MCUR1: variants seen among roughly 807,000 people sequenced by gnomAD.
The protein encoded by MCUR1 is mitochondrial calcium uniporter regulator 1, also known as MCU regulator 1.
Under a neutral mutation model 42.0 loss-of-function variants are expected in MCUR1, and 37 were observed. The observed-to-expected ratio is 0.88, with a 90% CI of 0.68 to 1.16. The LOEUF is 1.16. MCUR1 is among the 50% of genes most tolerant of loss of function. MCUR1 has a pLI of 0.00. For synonymous variants in MCUR1, 229 were observed against 196.2 expected, an observed-to-expected ratio of 1.17 and a Z score of -1.40; for missense variants, 469 against 468.4, an observed-to-expected ratio of 1.00 and a Z score of -0.01.
At chr6:13,791,080 G>A (rs1281605941) in intron 8 of MCUR1, among the ~76,000 whole-genome samples, 1 of 151,926 alleles carries the variant, frequency 6.6e-6, no homozygotes, top group African/African-American at 2.4e-5. Flanking sequence ...TGGTACCCAG[G>A]AGGAGTGCAC....
At chr6:13,810,399 T>C (rs1239848094) in intron 1 of MCUR1, among the ~76,000 whole-genome samples, 1 of 151,968 alleles carries the variant, frequency 6.6e-6, no homozygotes, top group Admixed American at 6.5e-5. Flanking sequence ...TATATGAAAA[T>C]CTTGCTACAT....
intron 4 of MCUR1, 119 bp downstream of exon 4, chr6:13,801,169 T>C: frequency 1.4e-6 from 1 of 715,878 alleles, no homozygotes. Flanking sequence ...TGACTGGAAG[T>C]GCACACTGTT....
intron 6 of MCUR1, among the ~76,000 whole-genome samples, chr6:13,794,589 T>A (rs1479482738): frequency 6.6e-6 from 1 of 151,158 alleles, no homozygotes. Context: ...GTGTTGTGAT[T>A]ATAAAATACA....
chr6:13,806,717 G>A (rs537514424), intron 2 of MCUR1, among the ~76,000 whole-genome samples: 1 of 151,978 alleles, frequency 6.6e-6, no homozygotes, highest in African/African-American at 2.4e-5. Context: ...CTTGAGCCTG[G>A]GAGGCAGGTT....
chr6:13,795,153 G>GAAACAA (rs745325598), intron 6 of MCUR1, among the ~76,000 whole-genome samples: 1 of 151,258 alleles, frequency 6.6e-6, no homozygotes, highest in Non-Finnish European at 1.5e-5. Context: ...AAGAGAAAGA[G>GAAACAA]AAACAAAAAC....
At position 13,796,291 on chromosome 6, in the gene MCUR1, C is replaced by CTTTTT. The variant is rs369077522; in HGVS notation, c.856-2349_856-2345dup. Among the ~76,000 whole-genome samples, 253 of 139,250 alleles carry CTTTTT rather than the reference C, an allele frequency of 1.8e-3. 2 individuals are homozygous for CTTTTT. Among genetic ancestry groups the CTTTTT allele is most frequent in the African/African-American group, 5.8e-3 (217 of 37,204 alleles). 91.4% of individuals were successfully genotyped at this position (139,250 alleles called of 152,430 possible). ...GAAATTTCATCATTTTTTTTCTTTT[C>CTTTTT]TTTTTTTTTTTTTTGAGACAGGGTC... On this transcript the variant is annotated intron_variant, in intron 6 of 8. Transcript: ENST00000379170.
intron 4 of MCUR1, among the ~76,000 whole-genome samples, chr6:13,800,705 A>C (rs1467486236): frequency 6.6e-6 from 1 of 152,212 alleles, no homozygotes; most frequent in Non-Finnish European, 1.5e-5. Flanking sequence ...AGAGAGTCTG[A>C]AACTTTACCA....
At chr6:13,811,412 T>C (rs1156508253) in intron 1 of MCUR1, among the ~76,000 whole-genome samples, 1 of 152,040 alleles carries the variant, frequency 6.6e-6, no homozygotes, top group African/African-American at 2.4e-5. Flanking sequence ...AGAGGGAAAA[T>C]TTGAGATGAA....
At chr6:13,794,891 T>C (rs181032080) in intron 6 of MCUR1, among the ~76,000 whole-genome samples, 207 of 152,282 alleles carry the variant, frequency 1.4e-3, no homozygotes, top group Admixed American at 0.013. Flanking sequence ...TGGCTATTAA[T>C]GTCAGTGAAA....
At chr6:13,800,083 G>A (rs1307002630) in intron 5 of MCUR1, among the ~76,000 whole-genome samples, 4 of 151,364 alleles carry the variant, frequency 2.6e-5, no homozygotes, top group East Asian at 3.9e-4. Context: ...CACCCACCTC[G>A]GCCTCCCAAA....
At position 13,814,074 on chromosome 6, in the gene MCUR1, G is replaced by A; in HGVS notation, c.356C>T (p.Ala119Val). 1 of 1,238,712 alleles carries A rather than the reference G, an allele frequency of 8.1e-7. No individual in the cohort carries two copies. Among genetic ancestry groups the A allele is most frequent in the Non-Finnish European group, 1.0e-6 (1 of 993,366 alleles). 76.7% of individuals were successfully genotyped at this position (1,238,712 alleles called of 1,614,324 possible). Residue 119 changes from alanine to valine, a missense_variant, in exon 1 of 9, where the codon GCC (alanine) becomes GTC (valine). By Grantham distance (64) the Ala-to-Val change is moderately conservative. Transcript: ENST00000379170. ...AWRCSPGVAA[A>V]AGALPQYHGP... ...GTGGTACTGGGGAAGGGCGCCGGCG[G>A]CAGCGGCGACGCCCGGTGAGCACCT...
intron 3 of MCUR1, 135 bp from the exon 4 acceptor site, chr6:13,801,524 T>C: frequency 1.6e-6 from 1 of 613,352 alleles, no homozygotes; most frequent in Non-Finnish European, 2.8e-6. Context: ...GGTCATCCTT[T>C]ATTCCAAAAG....
Position 13,814,420 on chromosome 6 carries a change from C to G in MCUR1, c.10G>C (p.Gly4Arg), listed in dbSNP as rs1760327681. Residue 4 changes from glycine (G) to arginine (R), a missense_variant, in exon 1 of 9, where the codon GGC becomes CGC. By Grantham distance (125) the Gly-to-Arg change is moderately radical (BLOSUM62 -2). Transcript: ENST00000379170. ...TGGGTCCTCTGGCCGCCGACCGAGC[C>G]GCAGTCCATCCCCGAGCAGTTCACT... MDC[G>R]SVGGQRTQRL... The G allele has an allele frequency of 6.5e-7, 1 of 1,539,104 alleles. No homozygotes were observed. The highest frequency in any genetic ancestry group is 8.7e-7 in the Non-Finnish European group (1 of 1,153,358).
chr6:13,793,405 A>G (rs1295522349), intron 7 of MCUR1, among the ~76,000 whole-genome samples: 1 of 152,234 alleles, frequency 6.6e-6, no homozygotes, highest in African/African-American at 2.4e-5. Flanking sequence ...AATGTGGCAT[A>G]TACATATAAT....
rs765954709 is a variant in MCUR1, at chr6:13,814,392, C to T, written c.38G>A (p.Arg13His). The change falls in exon 1 of 9, where the codon CGC (arginine) becomes CAC (histidine). Residue 13 changes from arginine (R) to histidine (H), a missense_variant. Coordinates refer to ENST00000379170, the MANE Select transcript of MCUR1 (RefSeq NM_001031713.4). The part of the protein sequence containing the change: ...CGSVGGQRTQ[R>H]LPGRQRLLFL... ...GAGAAGCCGCTGGCGGCCGGGCAGG[C>T]GCTGGGTCCTCTGGCCGCCGACCGA... 2.6e-6 allele frequency: 4 copies of T among 1,535,322 alleles called. No homozygotes were observed. Among genetic ancestry groups the T allele is most frequent in the Non-Finnish European group, 3.5e-6 (4 of 1,151,362 alleles).
In MCUR1 at chr6:13,798,885, C is replaced by T. The variant is rs367961059; in HGVS notation, c.803G>A (p.Arg268Gln). ...QQVMDEVIKV[R>Q]TDTKLDFNLE... Reference sequence around the variant, plus strand: ...GTTGAAGTCTAATTTGGTATCTGTTCGGACTTTGATCACTTCATCCTAAAA... The same window carrying T: ...GTTGAAGTCTAATTTGGTATCTGTTTGGACTTTGATCACTTCATCCTAAAA... The change falls in exon 6 of 9, where the codon CGA (arginine) becomes CAA (glutamine). Residue 268 changes from arginine (R) to glutamine (Q), a missense_variant. Arg to Gln is a conservative substitution (Grantham distance 43). Transcript: ENST00000379170. The T allele has an allele frequency of 3.2e-5, 52 of 1,608,062 alleles. No individual in the cohort carries two copies. Among genetic ancestry groups the T allele is most frequent in the Non-Finnish European group, 4.1e-5 (48 of 1,175,228 alleles).
Position 13,787,906 on chromosome 6 carries a change from G to T in MCUR1, c.*2903C>A, listed in dbSNP as rs1038822474. ...AGACAGAGTCTCACTGTGTCGCCCA[G>T]GCAGATCTCGTCTGGGCCCGAGTCT... On this transcript the variant is annotated 3_prime_UTR_variant, in exon 9 of 9. Transcript: ENST00000379170. 3.3e-5 allele frequency: 5 copies of T among 152,124 alleles called. No individual in the cohort carries two copies. Among genetic ancestry groups the T allele is most frequent in the African/African-American group, 1.2e-4 (5 of 41,414 alleles). 9.4% of individuals were successfully genotyped at this position (152,124 alleles called of 1,614,324 possible). A position where few individuals can be genotyped will look rare whatever the true frequency, so the allele number is the denominator to read the frequency against.
At chr6:13,807,166 A>G (rs1332697537) in intron 1 of MCUR1, 122 bp from the exon 2 acceptor site, 1 of 1,075,692 alleles carries the variant, frequency 9.3e-7, no homozygotes, top group Non-Finnish European at 1.3e-6. Context: ...CTTCGTTGAG[A>G]TATACAATTC....
intron 1 of MCUR1, among the ~76,000 whole-genome samples, chr6:13,808,024 G>A (rs953229060): frequency 6.6e-6 from 1 of 152,180 alleles, no homozygotes; most frequent in African/African-American, 2.4e-5. Context: ...GTGTTGAGAG[G>A]TGGGTCCTTT....
Sources: gnomAD v4.1 joint callset for allele counts (sites outside exome capture counted in the v4.1 genomes callset) on GRCh38, gnomAD v4.1.1 for gene constraint, MANE v1.5 for transcripts, NCBI Gene and HGNC (gene_info 2026-07-23, HGNC 2026-07-21) for gene names.